SMYD3: variants seen among roughly 807,000 people sequenced by gnomAD.
SMYD3 encodes SET and MYND domain containing 3.
Under a neutral mutation model 57.7 loss-of-function variants are expected in SMYD3, and 36 were observed. That is an observed-to-expected ratio of 0.62 (90% CI 0.48 to 0.82). The LOEUF is 0.82. Ranked by LOEUF, SMYD3 falls within the 40% of genes least tolerant of loss-of-function variation. The probability of loss-of-function intolerance (pLI) is 0.00; values close to 1 mark genes in which losing one functional copy is unlikely to be tolerated. For missense variants in SMYD3, 515 were observed against 538.8 expected, an observed-to-expected ratio of 0.96 and a Z score of 0.44; for synonymous variants, 211 against 195.0, an observed-to-expected ratio of 1.08 and a Z score of -0.68.
intron 1 of SMYD3, among the ~76,000 whole-genome samples, chr1:246,444,165 C>T (rs1166273035): frequency 2.1e-5 from 3 of 142,596 alleles, no homozygotes. Flanking sequence ...CTCGTTCTGT[C>T]ACCCAGGCTA....
intron 10 of SMYD3, among the ~76,000 whole-genome samples, chr1:245,818,202 G>A (rs2048962025): frequency 6.6e-6 from 1 of 152,200 alleles, no homozygotes; most frequent in Non-Finnish European, 1.5e-5. Context: ...GGATCTCTCA[G>A]CAGAAACCCT....
Position 245,825,166 on chromosome 1 carries a change from C to T in SMYD3, c.1076+33330G>A, listed in dbSNP as rs563649518. Reference sequence around the variant, plus strand: ...GAATGCAGCTTTGCCTTAAGACAGACATTAAAGGAAGAAATTCCACCACCT... The same window carrying T: ...GAATGCAGCTTTGCCTTAAGACAGATATTAAAGGAAGAAATTCCACCACCT... On this transcript the variant is annotated intron_variant, in intron 10 of 11. Transcript: ENST00000490107. Among the ~76,000 whole-genome samples, 5 of 152,266 alleles carry T rather than the reference C, an allele frequency of 3.3e-5. No homozygotes were observed. The East Asian group carries it at 9.6e-4, about 29-fold the overall frequency.
At chr1:245,824,605 C>G (rs147426920) in intron 10 of SMYD3, among the ~76,000 whole-genome samples, 23 of 152,270 alleles carry the variant, frequency 1.5e-4, no homozygotes, top group African/African-American at 5.5e-4. Flanking sequence ...CCTGTAATCC[C>G]AGCACTTTGG....
intron 5 of SMYD3, among the ~76,000 whole-genome samples, chr1:246,239,787 C>G (rs1235113009): frequency 1.3e-5 from 2 of 152,140 alleles, no homozygotes; most frequent in African/African-American, 4.8e-5. Context: ...GCCATTCTAA[C>G]TGGTGTGAGA....
At chr1:246,286,043 A>C (rs149299923) in intron 5 of SMYD3, among the ~76,000 whole-genome samples, 5 of 152,282 alleles carry the variant, frequency 3.3e-5, no homozygotes, top group Non-Finnish European at 7.4e-5. Context: ...TGCTGGTGGG[A>C]ATGTAAACCA....
At chr1:246,114,699 C>T (rs111550232) in intron 5 of SMYD3, among the ~76,000 whole-genome samples, 19,466 of 151,490 alleles carry the variant, frequency 0.13, 2,053 homozygotes, top group African/African-American at 0.29. Context: ...GGTGTGATCT[C>T]GGCTCACTGC....
chr1:246,176,619 C>T (rs901142530), intron 5 of SMYD3, among the ~76,000 whole-genome samples: 6 of 152,172 alleles, frequency 3.9e-5, no homozygotes, highest in Admixed American at 2.6e-4. Context: ...ACCTCCCGGG[C>T]TCAGGCAACT....
intron 5 of SMYD3, among the ~76,000 whole-genome samples, chr1:246,281,739 T>C (rs576174983): frequency 1.1e-4 from 16 of 151,994 alleles, no homozygotes; most frequent in African/African-American, 3.9e-4. Flanking sequence ...GAGAAAACAG[T>C]GGAGGAAAAG....
chr1:246,077,698 G>A (rs1323139861), intron 5 of SMYD3, among the ~76,000 whole-genome samples: 2 of 151,796 alleles, frequency 1.3e-5, no homozygotes, highest in African/African-American at 2.4e-5. Context: ...AAATTATCCA[G>A]GCTTTTTCCC....
chr1:246,452,638 G>C (rs2067648539), intron 1 of SMYD3, among the ~76,000 whole-genome samples: 1 of 152,170 alleles, frequency 6.6e-6, no homozygotes, highest in Non-Finnish European at 1.5e-5. Context: ...TTCCAGGAGA[G>C]TTCACTATTA....
chr1:245,861,396 A>C (rs569395201), intron 9 of SMYD3, among the ~76,000 whole-genome samples: 1 of 152,262 alleles, frequency 6.6e-6, no homozygotes, highest in African/African-American at 2.4e-5. Flanking sequence ...GGATCAGGGG[A>C]AGAGAAAGGG....
chr1:245,875,716 T>G (rs1282240178), intron 8 of SMYD3, among the ~76,000 whole-genome samples: 1 of 152,212 alleles, frequency 6.6e-6, no homozygotes, highest in Non-Finnish European at 1.5e-5. Flanking sequence ...ACCTTTTGAT[T>G]AGTTTTTGTT....
chr1:245,816,018 C>T (rs550964487), intron 10 of SMYD3, among the ~76,000 whole-genome samples: 1 of 152,314 alleles, frequency 6.6e-6, no homozygotes, highest in South Asian at 2.1e-4. Context: ...TTCAAAAGAA[C>T]AGTGCACCTC....
At chr1:246,253,444 T>C (rs1266966472) in intron 5 of SMYD3, among the ~76,000 whole-genome samples, 2 of 152,212 alleles carry the variant, frequency 1.3e-5, no homozygotes, top group Non-Finnish European at 2.9e-5. Flanking sequence ...GCAAAGGACA[T>C]GATTTTGTTC....
At chr1:245,854,596 TC>T (rs201303358) in intron 10 of SMYD3, among the ~76,000 whole-genome samples, 13 of 31,652 alleles carry the variant, frequency 4.1e-4, no homozygotes, top group South Asian at 1.6e-3. Context: ...TATCCTTTTC[TC>T]TCTCTCTCTC....
rs752921364 is a variant in SMYD3, at chr1:245,820,819, C to T, written c.1076+37677G>A. 7.1e-3 allele frequency among the ~76,000 whole-genome samples: 1,066 copies of T among 150,960 alleles called. 7 individuals are homozygous for T. Among genetic ancestry groups the T allele is most frequent in the Middle Eastern group, 0.017 (5 of 294 alleles). ...AATTGCTTCAAAGAGAATAAAATAC[C>T]TAGGAATCCAACTTACAAGGGATGT... On this transcript the variant is annotated intron_variant, in intron 10 of 11. Coordinates refer to ENST00000490107, the MANE Select transcript of SMYD3 (RefSeq NM_001167740.2).
intron 5 of SMYD3, among the ~76,000 whole-genome samples, chr1:246,248,634 TCC>T (rs1260457814): frequency 0.17 from 21,190 of 122,054 alleles, 2,407 homozygotes; most frequent in East Asian, 0.54. Flanking sequence ...TCTCTGACTT[TCC>T]TTTTTTTTTT....
At chr1:246,365,808 C>G (rs2148722712) in intron 1 of SMYD3, among the ~76,000 whole-genome samples, 1 of 152,206 alleles carries the variant, frequency 6.6e-6, no homozygotes, top group East Asian at 1.9e-4. Context: ...ACAAGGAGGC[C>G]CCAAATCGCC....
chr1:246,036,528 CTTCT>C (rs1187536138), intron 5 of SMYD3, among the ~76,000 whole-genome samples: 6 of 125,064 alleles, frequency 4.8e-5, no homozygotes, highest in Middle Eastern at 3.8e-3. Flanking sequence ...TCTCTGTACT[CTTCT>C]TTCTCTCTTT....
Sources: gnomAD v4.1 joint callset for allele counts (sites outside exome capture counted in the v4.1 genomes callset) on GRCh38, gnomAD v4.1.1 for gene constraint, MANE v1.5 for transcripts, NCBI Gene and HGNC (gene_info 2026-07-23, HGNC 2026-07-21) for gene names.